The following CIMIP5 variants were observed in gnomAD, a reference collection of about 807,000 sequenced individuals.
CIMIP5 encodes the protein uncharacterized protein C2orf50.
the CIMIP5 span, among the ~76,000 whole-genome samples, chr2:11,149,744 T>TA: frequency 1.3e-5 from 2 of 151,478 alleles, no homozygotes; most frequent in East Asian, 1.9e-4. Context: ...AAAATAAAAA[T>TA]AAAAAAAGTC....
the CIMIP5 span, among the ~76,000 whole-genome samples, chr2:11,151,376 T>C: frequency 1.6e-4 from 25 of 152,214 alleles, no homozygotes; most frequent in African/African-American, 5.3e-4. Flanking sequence ...AGTTCAGATC[T>C]CCTCTGTTGA....
At chr2:11,139,208 G>A in the CIMIP5 span, among the ~76,000 whole-genome samples, 2 of 152,088 alleles carry the variant, frequency 1.3e-5, no homozygotes, top group Non-Finnish European at 2.9e-5. Flanking sequence ...GTGAGCCACC[G>A]CACCTGTCCT....
chr2:11,149,053 G>A, the CIMIP5 span, among the ~76,000 whole-genome samples: 1 of 152,036 alleles, frequency 6.6e-6, no homozygotes, highest in Non-Finnish European at 1.5e-5. Flanking sequence ...CTTTTCTATT[G>A]AAGAATGCAG....
At chr2:11,135,571 C>T in the CIMIP5 span, among the ~76,000 whole-genome samples, 6 of 152,048 alleles carry the variant, frequency 3.9e-5, no homozygotes, top group Non-Finnish European at 8.8e-5. Flanking sequence ...GCTGGGATTA[C>T]AGGTGCCCTC....
the CIMIP5 span, chr2:11,144,705 T>C: frequency 6.6e-6 from 1 of 152,224 alleles, no homozygotes; most frequent in African/African-American, 2.4e-5. Flanking sequence ...TATTCCTTAG[T>C]TGGCAGCTCC....
the CIMIP5 span, among the ~76,000 whole-genome samples, chr2:11,139,341 A>G: frequency 1.3e-5 from 2 of 152,228 alleles, no homozygotes; most frequent in Non-Finnish European, 2.9e-5. Flanking sequence ...AAACAGCTAA[A>G]AGGCTGGCAA....
the CIMIP5 span, among the ~76,000 whole-genome samples, chr2:11,135,267 G>C: frequency 6.6e-6 from 1 of 152,108 alleles, no homozygotes; most frequent in Non-Finnish European, 1.5e-5. Context: ...ATTTTTTGAG[G>C]AACCTCCATT....
At chr2:11,151,889 C>T in the CIMIP5 span, among the ~76,000 whole-genome samples, 4 of 152,258 alleles carry the variant, frequency 2.6e-5, no homozygotes, top group Admixed American at 1.3e-4. Flanking sequence ...ACGCCTCAGC[C>T]TCCCAAAGTG....
At chr2:11,153,808 C>G in the CIMIP5 span, among the ~76,000 whole-genome samples, 3 of 151,590 alleles carry the variant, frequency 2.0e-5, no homozygotes, top group African/African-American at 7.3e-5. Flanking sequence ...CCTGTAATTC[C>G]AGCTACTTGG....
At chr2:11,151,671 AC>A in the CIMIP5 span, among the ~76,000 whole-genome samples, 4 of 152,232 alleles carry the variant, frequency 2.6e-5, no homozygotes, top group Non-Finnish European at 5.9e-5. Context: ...TCGCTCTGTC[AC>A]CCACTCTGTC....
At chr2:11,133,394 CCCCACCAG>C in the CIMIP5 span, 90 of 1,612,232 alleles carry the variant, frequency 5.6e-5, 2 homozygotes, top group South Asian at 9.8e-4. Context: ...ACCGATTGCC[CCCCACCAG>C]GCCACCAGCC....
the CIMIP5 span, among the ~76,000 whole-genome samples, chr2:11,154,348 G>GT: frequency 3.4e-3 from 496 of 147,802 alleles, 3 homozygotes; most frequent in Admixed American, 3.8e-3. Flanking sequence ...CTCAGCACCT[G>GT]TTTTTTTTTT....
chr2:11,133,397 C>A, the CIMIP5 span: 5 of 1,612,218 alleles, frequency 3.1e-6, no homozygotes, highest in East Asian at 8.9e-5. Context: ...GATTGCCCCC[C>A]ACCAGGCCAC....
chr2:11,133,281 G>GACTC, the CIMIP5 span: 1 of 1,458,806 alleles, frequency 6.9e-7, no homozygotes, highest in Middle Eastern at 1.8e-4. Flanking sequence ...TCAGGCACAG[G>GACTC]TCTCTCTCTC....
chr2:11,133,621 G>C, the CIMIP5 span: 1 of 1,559,116 alleles, frequency 6.4e-7, no homozygotes, highest in South Asian at 1.2e-5. Flanking sequence ...TTTCCACCCT[G>C]ACTCCGCAGC....
chr2:11,138,915 TTTTA>T, the CIMIP5 span, among the ~76,000 whole-genome samples: 3 of 151,634 alleles, frequency 2.0e-5, no homozygotes, highest in African/African-American at 7.3e-5. Flanking sequence ...TTATTTTTAT[TTTTA>T]TTTATTTTTA....
At chr2:11,135,135 A>T in the CIMIP5 span, among the ~76,000 whole-genome samples, 1 of 152,292 alleles carries the variant, frequency 6.6e-6, no homozygotes, top group South Asian at 2.1e-4. Context: ...TCGTGACCCA[A>T]ACACCTCCCA....
chr2:11,140,629 T>C, the CIMIP5 span: 1 of 1,174,080 alleles, frequency 8.5e-7, no homozygotes, highest in Non-Finnish European at 1.2e-6. Context: ...TAACATTTAT[T>C]GAAGATCTAC....
chr2:11,133,191 G>C, the CIMIP5 span: 35 of 993,238 alleles, frequency 3.5e-5, no homozygotes, highest in Non-Finnish European at 4.8e-5. Context: ...GAGGCCTAAA[G>C]GGACAGTGAG....
Sources: gnomAD v4.1 joint callset for allele counts (sites outside exome capture counted in the v4.1 genomes callset) on GRCh38, gnomAD v4.1.1 for gene constraint, MANE v1.5 for transcripts, NCBI Gene and HGNC (gene_info 2026-07-23, HGNC 2026-07-21) for gene names.